Variants in LYZ observed in about 807,000 individuals in gnomAD.
LYZ encodes lysozyme.
LYZ carries 18 observed loss-of-function variants against 15.8 expected under a neutral mutation model. The observed-to-expected ratio is 1.14, with a 90% CI of 0.79 to 1.69. The LOEUF is 1.69. Ranked by LOEUF, LYZ falls within the 40% of genes most tolerant of loss-of-function variation. LYZ has a pLI of 0.00. For synonymous variants in LYZ, 60 were observed against 61.7 expected (o/e 0.97, Z 0.13); for missense variants, 139 against 182.8 (o/e 0.76, Z 1.38).
At chr12:69,348,621 G>C (rs571592135) in intron 1 of LYZ, 77 bp downstream of exon 1, 2 of 1,523,704 alleles carry the variant, frequency 1.3e-6, no homozygotes, top group East Asian at 2.3e-5. Context: ...GAAGAAGAAG[G>C]GGCTTTGAGT....
intron 2 of LYZ, among the ~76,000 whole-genome samples, chr12:69,351,357 C>T (rs593343): frequency 0.11 from 16,135 of 151,188 alleles, 1,791 homozygotes; most frequent in African/African-American, 0.28. Flanking sequence ...AATCTTATTT[C>T]TAAAATCCAG....
chr12:69,350,737 C>CTTTTTTTTTTTTT (rs60163961), intron 2 of LYZ, among the ~76,000 whole-genome samples: 8 of 26,044 alleles, frequency 3.1e-4, no homozygotes, highest in African/African-American at 8.1e-4. Flanking sequence ...TCTTCTATGC[C>CTTTTTTTTTTTTT]TTTTTTTTTT....
At chr12:69,351,642 A>G (rs1397846567) in intron 2 of LYZ, among the ~76,000 whole-genome samples, 6 of 152,140 alleles carry the variant, frequency 3.9e-5, no homozygotes, top group African/African-American at 1.4e-4. Context: ...TTTGCTTCTT[A>G]TCACACAAAA....
intron 2 of LYZ, among the ~76,000 whole-genome samples, chr12:69,351,812 GCA>G (rs2120832136): frequency 6.6e-6 from 1 of 152,196 alleles, no homozygotes; most frequent in South Asian, 2.1e-4. Flanking sequence ...TTACTATTGA[GCA>G]CTTAGGTTGT....
At position 69,353,413 on chromosome 12, in the gene LYZ, T is replaced by G. The variant is rs987985292; in HGVS notation, c.*194T>G. 19 of 638,882 alleles carry G rather than the reference T, an allele frequency of 3.0e-5. No homozygotes were observed. The African/African-American group carries it at 3.3e-4, about 11-fold the overall frequency. The allele number at this position is 638,882 out of a possible 1,614,324, so 39.6% of individuals were successfully genotyped here. A position where few individuals can be genotyped will look rare whatever the true frequency, so the allele number is the denominator to read the frequency against. On this transcript the variant is annotated 3_prime_UTR_variant, in exon 4 of 4. Coordinates refer to ENST00000261267, the MANE Select transcript of LYZ (RefSeq NM_000239.3). ...GTTATTTTACATTAAGCCTACAACA[T>G]TTTTCAGTTTGCAAATAGAACTAAT...
In LYZ at chr12:69,352,236, C is replaced by T. The variant is rs1375824783; in HGVS notation, c.318C>T (p.Asn106=). Reference sequence around the variant, plus strand: ...GTCTTTCAGCTTTGCTGCAAGATAACATCGCTGATGCTGTAGCTTGTGCAA... The same window carrying T: ...GTCTTTCAGCTTTGCTGCAAGATAATATCGCTGATGCTGTAGCTTGTGCAA... The part of the protein sequence containing the change: ...HLSCSALLQD[N]IADAVACAKR... The change falls in exon 3 of 4, where the codon AAC becomes AAT. Residue 106 remains asparagine, a synonymous_variant. Transcript: ENST00000261267. The T allele has an allele frequency of 2.5e-6, 4 of 1,613,474 alleles. No homozygotes were observed. The highest frequency in any genetic ancestry group is 3.4e-6 in the Non-Finnish European group (4 of 1,179,580).
At chr12:69,350,642 A>G (rs1658749118) in intron 2 of LYZ, 1 of 224,746 alleles carries the variant, frequency 4.4e-6, no homozygotes, top group East Asian at 1.2e-4. Context: ...TTCTAAATGT[A>G]TAGAAAATTA....
At chr12:69,349,586 T>C (rs1457777343) in intron 1 of LYZ, among the ~76,000 whole-genome samples, 2 of 152,214 alleles carry the variant, frequency 1.3e-5, no homozygotes. Context: ...TTCCCCTCAA[T>C]AGCTATTTTT....
At chr12:69,348,670 C>A in intron 1 of LYZ, 126 bp downstream of exon 1, 1 of 1,184,654 alleles carries the variant, frequency 8.4e-7, no homozygotes, top group Non-Finnish European at 1.2e-6. Flanking sequence ...TGTATACTTA[C>A]AATGGCTAAA....
chr12:69,348,660 T>C, intron 1 of LYZ, 116 bp downstream of exon 1: 1 of 1,293,578 alleles, frequency 7.7e-7, no homozygotes, highest in Non-Finnish European at 1.1e-6. Context: ...TTTGTGGGTT[T>C]GTATACTTAC....
intron 1 of LYZ, 36 bp from the exon 2 acceptor site, chr12:69,350,072 T>C (rs769357949): frequency 1.3e-6 from 2 of 1,590,862 alleles, no homozygotes; most frequent in Admixed American, 1.7e-5. Flanking sequence ...AGTCACTTAG[T>C]GTTGCTGTTT....
At chr12:69,348,751 A>C (rs977333776) in intron 1 of LYZ, among the ~76,000 whole-genome samples, 4 of 152,208 alleles carry the variant, frequency 2.6e-5, no homozygotes, top group African/African-American at 9.7e-5. Context: ...GGAAAATTCC[A>C]TTCTAAGTAA....
rs1874810872 is a variant in LYZ, at chr12:69,350,206, AG to A, written c.236del (p.Ser79ThrfsTer33). ...TGATTATGGGATATTTCAGATCAAT[AG>A]CCGCTACTGGTGTAATGATGGCAAA... ...STDYGIFQIN[S>X]RYWCNDGKTP... On this transcript the variant is annotated frameshift_variant, in exon 2 of 4. Coordinates refer to ENST00000261267, the MANE Select transcript of LYZ (RefSeq NM_000239.3). LOFTEE classifies it high-confidence loss of function. 1 of 1,614,160 alleles carries A rather than the reference AG, an allele frequency of 6.2e-7. No individual in the cohort carries two copies. Among genetic ancestry groups the A allele is most frequent in the Non-Finnish European group, 8.5e-7 (1 of 1,180,010 alleles).
At chr12:69,350,511 A>G (rs1433688375) in intron 2 of LYZ, 4 of 480,506 alleles carry the variant, frequency 8.3e-6, no homozygotes, top group Non-Finnish European at 1.5e-5. Context: ...TTTACTGTCA[A>G]TGGCCTTACT....
rs1592841593 is a variant in LYZ at position 69,354,007 on chromosome 12, A to G, written c.*788A>G. ...CAATATGAAATTTTTAAAGGAGTAG[A>G]ATACCAAATGATAGAAACAGACTGC... On this transcript the variant is annotated 3_prime_UTR_variant, in exon 4 of 4. Transcript: ENST00000261267. 2.0e-5 allele frequency: 3 copies of G among 152,326 alleles called. No individual in the cohort carries two copies. In the East Asian group the frequency reaches 5.8e-4, roughly 29 times the overall value. The allele number at this position is 152,326 out of a possible 1,614,324, so 9.4% of individuals were successfully genotyped here.
At position 69,348,505 on chromosome 12, in the gene LYZ, T is replaced by G. The variant is rs762738984; in HGVS notation, c.97T>G (p.Leu33Val). Reference protein sequence around the residue: ...RCELARTLKRLGMDGYRGISL... With the variant: ...RCELARTLKRVGMDGYRGISL... Reference sequence around the variant, plus strand: ...TGAGTTGGCCAGAACTCTGAAAAGATTGGGAATGGATGGCTACAGGGGAAT... The same window carrying G: ...TGAGTTGGCCAGAACTCTGAAAAGAGTGGGAATGGATGGCTACAGGGGAAT... Residue 33 changes from leucine (L) to valine (V), a missense_variant, in exon 1 of 4, where the codon TTG (leucine) becomes GTG (valine). Physicochemically the swap from Leu to Val is conservative, Grantham distance 32 (BLOSUM62 1). Transcript: ENST00000261267. 7 of 1,613,976 alleles carry G rather than the reference T, an allele frequency of 4.3e-6. No homozygotes were observed. In the South Asian group the frequency reaches 4.4e-5, roughly 10 times the overall value.
intron 2 of LYZ, among the ~76,000 whole-genome samples, chr12:69,350,737 C>CTTTTTTTTTTTTTTTTTTTT (rs60163961): frequency 1.2e-4 from 3 of 26,040 alleles, no homozygotes; most frequent in African/African-American, 2.0e-4. Flanking sequence ...TCTTCTATGC[C>CTTTTTTTTTTTTTTTTTTTT]TTTTTTTTTT....
At position 69,353,497 on chromosome 12, in the gene LYZ, C is replaced by CCTTTTTTTTTTTT. The variant is rs753762306; in HGVS notation, c.*278_*279insCTTTTTTTTTTTT. ...AAATACATCTCCAGTACATTCCGTT[C>CCTTTTTTTTTTTT]TTTTTTTTTTTGAGACAGTCTCGCT... On this transcript the variant is annotated 3_prime_UTR_variant, in exon 4 of 4. Coordinates refer to ENST00000261267, the MANE Select transcript of LYZ (RefSeq NM_000239.3). The CCTTTTTTTTTTTT allele has an allele frequency of 1.3e-5, 4 of 304,698 alleles. No homozygotes were observed. The highest frequency in any genetic ancestry group is 2.4e-5 in the Non-Finnish European group (4 of 168,868). 18.9% of individuals were successfully genotyped at this position (304,698 alleles called of 1,614,324 possible).
At position 69,350,183 on chromosome 12, in the gene LYZ, A is replaced by G; in HGVS notation, c.212A>G (p.Asp71Gly). 6.2e-7 allele frequency: 1 copy of G among 1,614,176 alleles called. No homozygotes were observed. The highest frequency in any genetic ancestry group is 1.1e-5 in the South Asian group (1 of 91,084). The stretch of plus-strand genomic sequence containing the variant: ...TACAATGCTGGAGACAGAAGCACTG[A>G]TTATGGGATATTTCAGATCAATAGC... ...TNYNAGDRST[D>G]YGIFQINSRY... The change falls in exon 2 of 4, where the codon GAT becomes GGT. Residue 71 changes from aspartate (D) to glycine (G), a missense_variant. Physicochemically the swap from Asp to Gly is moderately conservative, Grantham distance 94. Coordinates refer to ENST00000261267, the MANE Select transcript of LYZ (RefSeq NM_000239.3).
Sources: gnomAD v4.1 joint callset for allele counts (sites outside exome capture counted in the v4.1 genomes callset) on GRCh38, gnomAD v4.1.1 for gene constraint, MANE v1.5 for transcripts, NCBI Gene and HGNC (gene_info 2026-07-23, HGNC 2026-07-21) for gene names.